The following SNTG1 variants were observed in gnomAD, a reference collection of about 807,000 sequenced individuals.
SNTG1 encodes syntrophin gamma 1, also known as gamma-1-syntrophin.
SNTG1 carries 39 observed loss-of-function variants against 74.7 expected under a neutral mutation model. The ratio of observed to expected loss-of-function variants is 0.52; its 90% confidence interval spans 0.40 to 0.68. The LOEUF is 0.68. Ranked by LOEUF, SNTG1 falls within the 30% of genes least tolerant of loss-of-function variation. The pLI is 0.00. For synonymous variants in SNTG1, 254 were observed against 217.1 expected (o/e 1.17, Z -1.49); for missense variants, 685 against 609.5 (o/e 1.12, Z -1.30).
chr8:50,506,687 T>A (rs781463149), intron 9 of SNTG1, among the ~76,000 whole-genome samples: 2 of 152,102 alleles, frequency 1.3e-5, no homozygotes, highest in Non-Finnish European at 2.9e-5. Context: ...AACTTGTTTA[T>A]TAGATCTAAC....
chr8:50,530,990 A>C (rs1269901033), intron 10 of SNTG1, among the ~76,000 whole-genome samples: 1 of 152,224 alleles, frequency 6.6e-6, no homozygotes, highest in African/African-American at 2.4e-5. Flanking sequence ...GGTGACGTTA[A>C]GCAGAATTTT....
At chr8:50,542,049 CAT>C (rs1178463620) in intron 11 of SNTG1, among the ~76,000 whole-genome samples, 1 of 147,026 alleles carries the variant, frequency 6.8e-6, no homozygotes, top group Admixed American at 6.9e-5. Context: ...TGTATATATA[CAT>C]ATATATATGA....
intron 17 of SNTG1, among the ~76,000 whole-genome samples, chr8:50,742,913 T>G (rs1488624516): frequency 6.6e-6 from 1 of 151,802 alleles, no homozygotes; most frequent in African/African-American, 2.4e-5. Flanking sequence ...TTCAGAAATT[T>G]GATAACCTAG....
intron 1 of SNTG1, among the ~76,000 whole-genome samples, chr8:49,954,208 A>T (rs939533857): frequency 1.3e-5 from 2 of 152,218 alleles, no homozygotes; most frequent in African/African-American, 4.8e-5. Context: ...CAGAGAGAGA[A>T]TCACATATGG....
At chr8:50,536,960 A>G (rs2094312830) in intron 11 of SNTG1, 152 bp downstream of exon 11, 2 of 1,029,792 alleles carry the variant, frequency 1.9e-6, no homozygotes, top group Non-Finnish European at 2.7e-6. Flanking sequence ...ACAAAGTTAA[A>G]CACTTATTAT....
At chr8:50,499,452 C>T (rs1388599966) in intron 8 of SNTG1, among the ~76,000 whole-genome samples, 2 of 149,330 alleles carry the variant, frequency 1.3e-5, no homozygotes, top group African/African-American at 4.9e-5. Context: ...TTCTAGTGCA[C>T]TTTTTGTAAG....
At chr8:50,316,915 A>G (rs1463018960) in intron 2 of SNTG1, among the ~76,000 whole-genome samples, 1 of 152,234 alleles carries the variant, frequency 6.6e-6, no homozygotes, top group Non-Finnish European at 1.5e-5. Flanking sequence ...TAGAGATAGT[A>G]CTTAATCTGC....
intron 2 of SNTG1, among the ~76,000 whole-genome samples, chr8:50,210,506 G>T (rs1464205204): frequency 6.6e-6 from 1 of 152,152 alleles, no homozygotes; most frequent in Non-Finnish European, 1.5e-5. Flanking sequence ...CAAAGGGAAG[G>T]CCAGCAGACT....
At chr8:49,921,531 G>A (rs1424821976) in intron 1 of SNTG1, among the ~76,000 whole-genome samples, 1 of 152,086 alleles carries the variant, frequency 6.6e-6, no homozygotes, top group Non-Finnish European at 1.5e-5. Flanking sequence ...TTTGTGACAA[G>A]GAAAAAGCAC....
At chr8:50,147,092 T>C (rs2081899340) in intron 1 of SNTG1, among the ~76,000 whole-genome samples, 1 of 152,138 alleles carries the variant, frequency 6.6e-6, no homozygotes, top group Non-Finnish European at 1.5e-5. Flanking sequence ...GCAGGAGTGT[T>C]TGAATGTGAC....
chr8:50,535,992 A>C (rs918855323), intron 10 of SNTG1, among the ~76,000 whole-genome samples: 2 of 152,308 alleles, frequency 1.3e-5, no homozygotes, highest in African/African-American at 2.4e-5. Context: ...CAAGTGAAAA[A>C]GCCCAAATTT....
Position 50,502,870 on chromosome 8 carries a change from A to T in SNTG1, c.456A>T (p.Glu152Asp), listed in dbSNP as rs546604146. The T allele has an allele frequency of 6.2e-7, 1 of 1,612,224 alleles. No homozygotes were observed. Among genetic ancestry groups the T allele is most frequent in the East Asian group, 2.2e-5 (1 of 44,746 alleles). Reference sequence around the variant, plus strand: ...CTTTCCTCAAACTCCCATTGAATGAAGATTGTGCATGTAAGCATTTATAAA... The same window carrying T: ...CTTTCCTCAAACTCCCATTGAATGATGATTGTGCATGTAAGCATTTATAAA... ...APAFLKLPLN[E>D]DCACAPSDQS... The change falls in exon 9 of 19, where the codon GAA becomes GAT. Residue 152 changes from glutamate to aspartate, a missense_variant. Transcript: ENST00000642720.
chr8:49,959,031 C>T (rs1385524218), intron 1 of SNTG1, among the ~76,000 whole-genome samples: 3 of 152,140 alleles, frequency 2.0e-5, no homozygotes, highest in South Asian at 2.1e-4. Context: ...GCAATATACA[C>T]GTTAAATTCA....
chr8:49,984,447 C>T (rs985193604), intron 1 of SNTG1, among the ~76,000 whole-genome samples: 6 of 152,030 alleles, frequency 3.9e-5, no homozygotes, highest in Admixed American at 1.3e-4. Flanking sequence ...TCAGGTAATC[C>T]GCCCACCTCG....
At chr8:50,700,319 A>T (rs552413384) in intron 15 of SNTG1, among the ~76,000 whole-genome samples, 1 of 152,226 alleles carries the variant, frequency 6.6e-6, no homozygotes, top group Non-Finnish European at 1.5e-5. Flanking sequence ...TTGAAATGTT[A>T]TAGGCAGCAA....
At chr8:50,434,377 T>C (rs1399990115) in intron 4 of SNTG1, among the ~76,000 whole-genome samples, 1 of 152,226 alleles carries the variant, frequency 6.6e-6, no homozygotes, top group Non-Finnish European at 1.5e-5. Flanking sequence ...TATAGCAGCA[T>C]GATTTATAAT....
intron 1 of SNTG1, among the ~76,000 whole-genome samples, chr8:50,159,222 A>G (rs2082342151): frequency 3.3e-5 from 5 of 151,604 alleles, no homozygotes; most frequent in Admixed American, 3.3e-4. Context: ...TTCACTTGCA[A>G]TTTGTTGCAG....
intron 12 of SNTG1, among the ~76,000 whole-genome samples, chr8:50,571,053 T>C (rs1444506739): frequency 6.6e-6 from 1 of 152,164 alleles, no homozygotes; most frequent in Non-Finnish European, 1.5e-5. Flanking sequence ...TTCCTGAACA[T>C]AGTTTCCTTC....
chr8:50,252,949 G>A (rs952531681), intron 2 of SNTG1, among the ~76,000 whole-genome samples: 2 of 152,142 alleles, frequency 1.3e-5, no homozygotes, highest in African/African-American at 4.8e-5. Flanking sequence ...GTAATAATGA[G>A]GGAAATGAAA....
Sources: allele counts gnomAD v4.1 joint callset (sites outside exome capture counted in the v4.1 genomes callset), GRCh38; gene constraint gnomAD v4.1.1; transcripts MANE v1.5; gene names NCBI Gene and HGNC (gene_info 2026-07-23, HGNC 2026-07-21).